The following PKHD1 variants were observed in gnomAD, a reference collection of about 807,000 sequenced individuals.
The protein encoded by PKHD1 is PKHD1 ciliary IPT domain containing fibrocystin/polyductin.
A neutral mutation model predicts 412.0 loss-of-function variants in PKHD1; 291 were observed. That is an observed-to-expected ratio of 0.71 (90% CI 0.64 to 0.78). The LOEUF (loss-of-function observed/expected upper bound fraction) is 0.78. Ranked by LOEUF, PKHD1 falls within the 30% of genes least tolerant of loss-of-function variation. The pLI is 0.00. For missense variants in PKHD1, 4,825 were observed against 4,950.7 expected (o/e 0.97, Z 0.76); for synonymous variants, 1,777 against 1,821.5 (o/e 0.98, Z 0.62).
intron 52 of PKHD1, among the ~76,000 whole-genome samples, chr6:51,808,861 A>T (rs1486278021): frequency 6.6e-6 from 1 of 152,100 alleles, no homozygotes; most frequent in Non-Finnish European, 1.5e-5. Flanking sequence ...CTAAGTTAAT[A>T]TTAGGACAAG....
rs1421923526 is a variant in PKHD1 at position 51,791,260 on chromosome 6, T to C, written c.8416A>G (p.Ile2806Val). Residue 2806 changes from isoleucine (I) to valine (V), a missense_variant, in exon 53 of 67, where the codon ATT (isoleucine) becomes GTT (valine). Ile to Val is a conservative substitution (Grantham distance 29, BLOSUM62 3). Coordinates refer to ENST00000371117, the MANE Select transcript of PKHD1 (RefSeq NM_138694.4). The part of the protein sequence containing the change: ...SNVLSVACMV[I>V]AGGELKVGTL... ...CCAACTTTCAGCTCCCCGCCTGCAATGACCATGCATGCCACACTCAGAACA... is the reference window on the plus strand; with the variant it reads ...CCAACTTTCAGCTCCCCGCCTGCAACGACCATGCATGCCACACTCAGAACA... The C allele has an allele frequency of 6.2e-7, 1 of 1,613,850 alleles. No homozygotes were observed. The highest frequency in any genetic ancestry group is 2.2e-5 in the East Asian group (1 of 44,882).
chr6:51,926,094 G>T (rs1312993850), intron 37 of PKHD1, among the ~76,000 whole-genome samples: 1 of 151,976 alleles, frequency 6.6e-6, no homozygotes, highest in Non-Finnish European at 1.5e-5. Flanking sequence ...AAATAATGTT[G>T]AAAGCTAAGG....
At chr6:51,968,389 C>T (rs192884221) in intron 35 of PKHD1, among the ~76,000 whole-genome samples, 1 of 152,266 alleles carries the variant, frequency 6.6e-6, no homozygotes, top group East Asian at 1.9e-4. Flanking sequence ...GGTTCCCTCC[C>T]TTTTCTTCTT....
intron 60 of PKHD1, among the ~76,000 whole-genome samples, chr6:51,725,597 A>G (rs1048583774): frequency 1.2e-4 from 18 of 152,204 alleles, no homozygotes; most frequent in Non-Finnish European, 2.4e-4. Flanking sequence ...ACTGTCTTTC[A>G]TATGGAATTA....
In PKHD1 at chr6:51,995,425, T is replaced by C. The variant is rs115185335; in HGVS notation, c.5751+14884A>G. On this transcript the variant is annotated intron_variant, in intron 35 of 66. Transcript: ENST00000371117. The stretch of plus-strand genomic sequence containing the variant: ...CCAACCTTTGTTTCTAGTAACTGCC[T>C]TCCTGGTTACTTTCTTTCAAACTTT... 5.4e-3 allele frequency among the ~76,000 whole-genome samples: 816 copies of C among 152,376 alleles called. 7 individuals are homozygous for C. Among genetic ancestry groups the C allele is most frequent in the African/African-American group, 0.019 (787 of 41,588 alleles).
At chr6:51,734,094 G>A (rs978809043) in intron 60 of PKHD1, among the ~76,000 whole-genome samples, 1 of 152,154 alleles carries the variant, frequency 6.6e-6, no homozygotes, top group African/African-American at 2.4e-5. Flanking sequence ...TAGTTCCAAG[G>A]GACCCTAATG....
At chr6:52,002,265 A>C (rs942704344) in intron 35 of PKHD1, among the ~76,000 whole-genome samples, 1 of 152,240 alleles carries the variant, frequency 6.6e-6, no homozygotes, top group Non-Finnish European at 1.5e-5. Flanking sequence ...GTCAGCTAGT[A>C]CCAATCAATT....
At chr6:52,038,030 T>C (rs1001202201) in intron 27 of PKHD1, among the ~76,000 whole-genome samples, 1 of 152,108 alleles carries the variant, frequency 6.6e-6, no homozygotes, top group African/African-American at 2.4e-5. Context: ...TAAACTAAGA[T>C]GAGGTCACAC....
At chr6:51,881,176 AT>A (rs138007555) in intron 46 of PKHD1, among the ~76,000 whole-genome samples, 5 of 148,128 alleles carry the variant, frequency 3.4e-5, no homozygotes, top group Non-Finnish European at 3.0e-5. Context: ...AGATTAATAG[AT>A]TTTTTTTTGC....
At chr6:51,776,064 T>G in intron 53 of PKHD1, 143 bp from the exon 54 acceptor site, 1 of 596,486 alleles carries the variant, frequency 1.7e-6, no homozygotes, top group East Asian at 2.8e-5. Context: ...GCAGATGAAA[T>G]AAGAGTAGGA....
chr6:51,793,362 T>C (rs887018188), intron 52 of PKHD1, among the ~76,000 whole-genome samples: 1 of 152,196 alleles, frequency 6.6e-6, no homozygotes, highest in Non-Finnish European at 1.5e-5. Flanking sequence ...ATTTTCATCT[T>C]TTATTTTAAA....
At chr6:51,643,570 A>T (rs1234906601) in intron 63 of PKHD1, among the ~76,000 whole-genome samples, 1 of 152,174 alleles carries the variant, frequency 6.6e-6, no homozygotes, top group African/African-American at 2.4e-5. Context: ...GTATAAAGAG[A>T]ACGTGGAGAG....
intron 47 of PKHD1, among the ~76,000 whole-genome samples, chr6:51,869,629 T>C (rs140672615): frequency 1.5e-4 from 23 of 152,246 alleles, no homozygotes; most frequent in Admixed American, 2.6e-4. Context: ...TTTTTCACTG[T>C]CTCATGAATG....
chr6:51,793,067 A>T (rs1794010131), intron 52 of PKHD1, among the ~76,000 whole-genome samples: 1 of 152,198 alleles, frequency 6.6e-6, no homozygotes, highest in Admixed American at 6.5e-5. Context: ...GACACTAAAT[A>T]AATGTCGTCC....
intron 35 of PKHD1, among the ~76,000 whole-genome samples, chr6:52,001,207 T>C (rs1355651147): frequency 6.6e-6 from 1 of 152,188 alleles, no homozygotes; most frequent in Non-Finnish European, 1.5e-5. Context: ...TTATTAGATA[T>C]AGCAGACCTG....
chr6:51,699,799 C>T (rs911087739), intron 60 of PKHD1, among the ~76,000 whole-genome samples: 1 of 151,936 alleles, frequency 6.6e-6, no homozygotes, highest in African/African-American at 2.4e-5. Context: ...GTGCTCCATG[C>T]TTTTTGGGCT....
chr6:51,930,887 A>G (rs1409922938), intron 37 of PKHD1, among the ~76,000 whole-genome samples: 1 of 152,162 alleles, frequency 6.6e-6, no homozygotes, highest in Non-Finnish European at 1.5e-5. Context: ...TGGTGGGAAG[A>G]GAAGAGAAGA....
At chr6:51,933,666 T>G (rs1266887) in intron 37 of PKHD1, among the ~76,000 whole-genome samples, 1 of 152,178 alleles carries the variant, frequency 6.6e-6, no homozygotes, top group Admixed American at 6.5e-5. Flanking sequence ...AGGAACTGCC[T>G]CTATCTGGGA....
intron 60 of PKHD1, among the ~76,000 whole-genome samples, chr6:51,700,207 G>A (rs192633750): frequency 2.2e-3 from 340 of 152,108 alleles, no homozygotes; most frequent in Admixed American, 3.5e-3. Context: ...TTTAATAACT[G>A]AACAAGAAAC....
Sources: allele counts gnomAD v4.1 joint callset (sites outside exome capture counted in the v4.1 genomes callset), GRCh38; gene constraint gnomAD v4.1.1; transcripts MANE v1.5; gene names NCBI Gene and HGNC (gene_info 2026-07-23, HGNC 2026-07-21).